RRAGD: variants seen among roughly 807,000 people sequenced by gnomAD.
RRAGD encodes the protein Ras related GTP binding D.
In RRAGD, 12 loss-of-function variants were observed where a neutral mutation model predicts 35.5. That is an observed-to-expected ratio of 0.34 (90% CI 0.22 to 0.55). The LOEUF (loss-of-function observed/expected upper bound fraction) is 0.55, where lower values mean the gene tolerates loss of function less well. Among genes scored for constraint, RRAGD ranks in the 20% least tolerant of loss-of-function variants. RRAGD has a pLI of 0.91. For synonymous variants in RRAGD, 155 were observed against 178.9 expected (o/e 0.87, Z 1.07); for missense variants, 324 against 490.1 (o/e 0.66, Z 3.20).
chr6:89,392,802 G>A (rs1038956567), intron 1 of RRAGD, among the ~76,000 whole-genome samples: 2 of 152,126 alleles, frequency 1.3e-5, no homozygotes, highest in Non-Finnish European at 2.9e-5. Flanking sequence ...ACTGAATAAA[G>A]AAAAATTAAG....
intron 1 of RRAGD, among the ~76,000 whole-genome samples, chr6:89,406,202 G>A (rs979291054): frequency 6.6e-6 from 1 of 152,124 alleles, no homozygotes; most frequent in Non-Finnish European, 1.5e-5. Context: ...GGGGAGTGCT[G>A]GGAAGGGAAG....
At chr6:89,393,139 A>T (rs375631461) in intron 1 of RRAGD, among the ~76,000 whole-genome samples, 5 of 152,352 alleles carry the variant, frequency 3.3e-5, no homozygotes, top group East Asian at 1.9e-4. Context: ...CTCCCTAAAA[A>T]TAATAGAAAT....
At chr6:89,374,118 G>C (rs1240235723) in intron 5 of RRAGD, among the ~76,000 whole-genome samples, 1 of 152,130 alleles carries the variant, frequency 6.6e-6, no homozygotes, top group Non-Finnish European at 1.5e-5. Context: ...ATTTATTAAA[G>C]CTTACTATGT....
At chr6:89,396,899 G>A (rs1769345417) in intron 1 of RRAGD, among the ~76,000 whole-genome samples, 1 of 151,074 alleles carries the variant, frequency 6.6e-6, no homozygotes, top group Non-Finnish European at 1.5e-5. Context: ...GCACCACCAT[G>A]TTCGGCTAAT....
chr6:89,389,614 C>CGT (rs1769197012), intron 1 of RRAGD, among the ~76,000 whole-genome samples: 1 of 150,950 alleles, frequency 6.6e-6, no homozygotes, highest in Non-Finnish European at 1.5e-5. Context: ...GTAGGGCTCT[C>CGT]TCTTTCCTTC....
intron 5 of RRAGD, among the ~76,000 whole-genome samples, chr6:89,374,877 T>A (rs1386050454): frequency 6.6e-6 from 1 of 152,214 alleles, no homozygotes; most frequent in African/African-American, 2.4e-5. Context: ...ATTCATTAAC[T>A]TCCATTGCAC....
intron 1 of RRAGD, among the ~76,000 whole-genome samples, chr6:89,406,428 C>T (rs1769580611): frequency 6.6e-6 from 1 of 152,068 alleles, no homozygotes; most frequent in African/African-American, 2.4e-5. Context: ...AGCTGGACGT[C>T]GAGAGGAGCA....
Position 89,380,243 on chromosome 6 carries a change from AT to A in RRAGD, c.568del (p.Ile190LeufsTer20). The A allele has an allele frequency of 6.2e-7, 1 of 1,614,232 alleles. No homozygotes were observed. Among genetic ancestry groups the A allele is most frequent in the Non-Finnish European group, 8.5e-7 (1 of 1,180,036 alleles). On this transcript the variant is annotated frameshift_variant, in exon 3 of 7. Coordinates refer to ENST00000369415, the MANE Select transcript of RRAGD (RefSeq NM_021244.5). LOFTEE classifies it high-confidence loss of function. ...CTGGTGAATATCTCTTTGGGTTTCA[AT>A]TTTGTGGTCATCTGACAGACCATCC... ...KVDGLSDDHK[I>X]ETQRDIHQRA...
chr6:89,384,361 C>T (rs779201832), intron 2 of RRAGD, among the ~76,000 whole-genome samples: 13 of 151,922 alleles, frequency 8.6e-5, no homozygotes, highest in African/African-American at 1.7e-4. Flanking sequence ...TTTCTCTTTT[C>T]GAGATAAGGT....
At position 89,367,847 on chromosome 6, in the gene RRAGD, T is replaced by C. The variant is rs2127882593; in HGVS notation, c.*209A>G. 2.5e-6 allele frequency: 1 copy of C among 404,332 alleles called. No individual in the cohort carries two copies. Among genetic ancestry groups the C allele is most frequent in the East Asian group, 3.6e-5 (1 of 27,926 alleles). 25.0% of individuals were successfully genotyped at this position (404,332 alleles called of 1,614,324 possible). A position where few individuals can be genotyped will look rare whatever the true frequency, so the allele number is the denominator to read the frequency against. On this transcript the variant is annotated 3_prime_UTR_variant, in exon 7 of 7. Transcript: ENST00000369415. ...TTGTGTAATGAAATGACAATGGATT[T>C]CACATCACTGTTAATATACAAGTTT...
chr6:89,397,815 T>A (rs1305752648), intron 1 of RRAGD, among the ~76,000 whole-genome samples: 2 of 152,188 alleles, frequency 1.3e-5, no homozygotes, highest in Non-Finnish European at 2.9e-5. Flanking sequence ...TAATCTAATC[T>A]ACAGTGGCAA....
At chr6:89,385,154 G>A (rs1301095713) in intron 2 of RRAGD, among the ~76,000 whole-genome samples, 1 of 152,116 alleles carries the variant, frequency 6.6e-6, no homozygotes, top group Non-Finnish European at 1.5e-5. Flanking sequence ...TTAAAAATAG[G>A]CAGATGTACC....
chr6:89,383,600 G>A (rs1384663271), intron 2 of RRAGD, among the ~76,000 whole-genome samples: 1 of 152,170 alleles, frequency 6.6e-6, no homozygotes, highest in Non-Finnish European at 1.5e-5. Context: ...TAGCACATGT[G>A]CAATGGCTTC....
intron 4 of RRAGD, among the ~76,000 whole-genome samples, 188 bp from the exon 5 acceptor site, chr6:89,378,001 G>T (rs1025643172): frequency 2.6e-5 from 4 of 152,152 alleles, no homozygotes; most frequent in Non-Finnish European, 5.9e-5. Context: ...TACTGGACTT[G>T]CATAAGAAAT....
chr6:89,407,573 T>C (rs1436679388), intron 1 of RRAGD, among the ~76,000 whole-genome samples: 1 of 152,034 alleles, frequency 6.6e-6, no homozygotes, highest in East Asian at 1.9e-4. Flanking sequence ...ACCCAGAAGG[T>C]GGAGGTTGCA....
Position 89,412,107 on chromosome 6 carries a change from CG to C in RRAGD, c.-115del. On this transcript the variant is annotated 5_prime_UTR_variant, in exon 1 of 7. Transcript: ENST00000369415. This position sits in a 1 kb window ranked among gnomAD's most constrained non-coding sequence, Gnocchi z 4.2. ...AAGCGGAGGTTTGTCTAGAGCTCAG[CG>C]GGGCCCGGCGGAAGCGGGGGCCGCG... 9.8e-7 allele frequency: 1 copy of C among 1,017,796 alleles called. No homozygotes were observed. Among genetic ancestry groups the C allele is most frequent in the Non-Finnish European group, 1.3e-6 (1 of 780,524 alleles). 63.0% of individuals were successfully genotyped at this position (1,017,796 alleles called of 1,614,324 possible). A position where few individuals can be genotyped will look rare whatever the true frequency, so the allele number is the denominator to read the frequency against.
At chr6:89,393,640 A>G (rs964120715) in intron 1 of RRAGD, among the ~76,000 whole-genome samples, 1 of 152,212 alleles carries the variant, frequency 6.6e-6, no homozygotes, top group African/African-American at 2.4e-5. Context: ...TCAGAGGTGG[A>G]TACAGTACCA....
chr6:89,403,372 G>A (rs927190370), intron 1 of RRAGD, among the ~76,000 whole-genome samples: 3 of 152,024 alleles, frequency 2.0e-5, no homozygotes, highest in African/African-American at 7.2e-5. Context: ...GTGAACCCAG[G>A]AGGCGGAGCT....
In RRAGD at chr6:89,367,928, A is replaced by T. The variant is rs575676040; in HGVS notation, c.*128T>A. On this transcript the variant is annotated 3_prime_UTR_variant, in exon 7 of 7. Transcript: ENST00000369415. ...AGAGAAGATCAAGAGGGTTGCAGGA[A>T]TTTTTTTTTTTTAACAACAAATCAA... 2.4e-5 allele frequency: 17 copies of T among 717,496 alleles called. No homozygotes were observed. The Middle Eastern group carries it at 1.2e-3, about 49-fold the overall frequency. 44.4% of individuals were successfully genotyped at this position (717,496 alleles called of 1,614,324 possible).
Sources: gnomAD v4.1 joint callset for allele counts (sites outside exome capture counted in the v4.1 genomes callset) on GRCh38, gnomAD v4.1.1 for gene constraint, Gnocchi (gnomAD v3.1) non-coding constraint, MANE v1.5 for transcripts, NCBI Gene and HGNC (gene_info 2026-07-23, HGNC 2026-07-21) for gene names.